The following ZNF284 variants were observed in gnomAD, a reference collection of about 807,000 sequenced individuals.
ZNF284 encodes zinc finger protein 284.
Under a neutral mutation model 12.9 loss-of-function variants are expected in ZNF284, and 12 were observed. That is an observed-to-expected ratio of 0.93 (90% CI 0.60 to 1.51). The LOEUF (loss-of-function observed/expected upper bound fraction) is 1.51. Ranked by LOEUF, ZNF284 falls within the 40% of genes most tolerant of loss-of-function variation. The pLI is 0.00. For missense variants in ZNF284, 667 were observed against 707.3 expected, an observed-to-expected ratio of 0.94 and a Z score of 0.65; for synonymous variants, 225 against 236.5, an observed-to-expected ratio of 0.95 and a Z score of 0.45.
chr19:44,087,168 G>GA lies in ZNF284; in HGVS notation c.1696dup (p.Thr566AsnfsTer5). On this transcript the variant is annotated frameshift_variant, in exon 5 of 5. Transcript: ENST00000421176. LOFTEE classifies it high-confidence loss of function. Reference sequence around the variant, plus strand: ...AGACCAACAAAGCGACCACAGTGGAGAAAAAACATCCAAATGTGAGGACTG... The same window carrying GA: ...AGACCAACAAAGCGACCACAGTGGAGAAAAAAACATCCAAATGTGAGGACTG... 1.2e-6 allele frequency: 2 copies of GA among 1,613,962 alleles called. No homozygotes were observed. Among genetic ancestry groups the GA allele is most frequent in the Non-Finnish European group, 1.7e-6 (2 of 1,179,886 alleles).
At chr19:44,074,165 C>T (rs1172896458) in intron 1 of ZNF284, among the ~76,000 whole-genome samples, 1 of 151,862 alleles carries the variant, frequency 6.6e-6, no homozygotes, top group African/African-American at 2.4e-5. Context: ...ACCAGCCTGA[C>T]CATCATGGAG....
rs1290254473 is a variant in ZNF284 at position 44,083,450 on chromosome 19, AATATATAT to A, written c.235+1363_235+1370del. ...CTCTGTCTCAAAAAATAAATAAAGA[AATATATAT>A]ATATATATATATATATAGAGAGAGA... On this transcript the variant is annotated intron_variant, in intron 4 of 4. Transcript: ENST00000421176. 5.5e-4 allele frequency among the ~76,000 whole-genome samples: 33 copies of A among 60,376 alleles called. 1 individual carries two copies. The highest frequency in any genetic ancestry group is 1.5e-3 in the African/African-American group (30 of 20,382). The allele number at this position is 60,376 out of a possible 152,430, so 39.6% of individuals were successfully genotyped here.
rs559255585 is a variant in ZNF284, at chr19:44,087,201, C to T, written c.1723C>T (p.Arg575Cys). The T allele has an allele frequency of 2.5e-5, 40 of 1,604,022 alleles. No individual in the cohort carries two copies. In the South Asian group the frequency reaches 2.7e-4, roughly 11 times the overall value. ...ATCCAAATGTGAGGACTGTGGGAAG[C>T]GCTACGAGAGGCGCTTGAATCTAGA... The part of the protein sequence containing the change: ...KTSKCEDCGK[R>C]YERRLNLDMI... Residue 575 changes from arginine to cysteine, a missense_variant, in exon 5 of 5, where the codon CGC (arginine) becomes TGC (cysteine). Coordinates refer to ENST00000421176, the MANE Select transcript of ZNF284 (RefSeq NM_001037813.4).
At chr19:44,073,849 A>C (rs1191269139) in intron 1 of ZNF284, among the ~76,000 whole-genome samples, 1 of 151,554 alleles carries the variant, frequency 6.6e-6, no homozygotes, top group Non-Finnish European at 1.5e-5. Flanking sequence ...CACCCGGTGC[A>C]TTTCTTTTTG....
Position 44,087,592 on chromosome 19 carries a change from CTTTTTTTT to C in ZNF284, c.*351_*358del, listed in dbSNP as rs924151303. ...TAATTGCTATGCCATGCTGCTTCTG[CTTTTTTTT>C]TTTTTTTTTTTTTTTTTTGAGAACA... On this transcript the variant is annotated 3_prime_UTR_variant, in exon 5 of 5. Coordinates refer to ENST00000421176, the MANE Select transcript of ZNF284 (RefSeq NM_001037813.4). 0.066 allele frequency: 6,637 copies of C among 100,184 alleles called. 359 individuals carry two copies. Among genetic ancestry groups the C allele is most frequent in the African/African-American group, 0.2 (4,183 of 21,420 alleles). 6.2% of individuals were successfully genotyped at this position (100,184 alleles called of 1,614,324 possible). A position where few individuals can be genotyped will look rare whatever the true frequency, so the allele number is the denominator to read the frequency against.
intron 2 of ZNF284, among the ~76,000 whole-genome samples, chr19:44,077,180 T>A (rs191303569): frequency 5.9e-5 from 9 of 152,330 alleles, no homozygotes; most frequent in Admixed American, 3.9e-4. Flanking sequence ...GAAAGAGTAC[T>A]TTTGACATGT....
At chr19:44,074,454 T>C (rs1277983726) in intron 1 of ZNF284, among the ~76,000 whole-genome samples, 1 of 152,226 alleles carries the variant, frequency 6.6e-6, no homozygotes, top group Non-Finnish European at 1.5e-5. Context: ...AATTCTCATA[T>C]ACTCTTTACC....
Position 44,089,363 on chromosome 19 carries a change from G to C in ZNF284, c.*2103G>C, listed in dbSNP as rs1967311146. 1 of 151,988 alleles carries C rather than the reference G, an allele frequency of 6.6e-6. No individual in the cohort carries two copies. The highest frequency in any genetic ancestry group is 2.4e-5 in the African/African-American group (1 of 41,352). The allele number at this position is 151,988 out of a possible 1,614,324, so 9.4% of individuals were successfully genotyped here. A position where few individuals can be genotyped will look rare whatever the true frequency, so the allele number is the denominator to read the frequency against. The stretch of plus-strand genomic sequence containing the variant: ...CTTGGGAAGGCTAGTATTTGGGGGT[G>C]GGGGGCGTGGAAATCACTAAACAAC... On this transcript the variant is annotated 3_prime_UTR_variant, in exon 5 of 5. Coordinates refer to ENST00000421176, the MANE Select transcript of ZNF284 (RefSeq NM_001037813.4).
At chr19:44,077,333 G>A (rs1967046724) in intron 2 of ZNF284, among the ~76,000 whole-genome samples, 1 of 152,094 alleles carries the variant, frequency 6.6e-6, no homozygotes, top group African/African-American at 2.4e-5. Context: ...GTCATGCATT[G>A]TGTGTATGTT....
Position 44,087,120 on chromosome 19 carries a change from A to G in ZNF284, c.1642A>G (p.Ser548Gly). The change falls in exon 5 of 5, where the codon AGT becomes GGT. Residue 548 changes from serine to glycine, a missense_variant. Ser to Gly is a moderately conservative substitution (Grantham distance 56, BLOSUM62 0). Transcript: ENST00000421176. Reference protein sequence around the residue: ...LFQCEDCGKSSEHSSCLQDQQ... With the variant: ...LFQCEDCGKSGEHSSCLQDQQ... ...CCAATGTGAGGATTGTGGGAAGAGC[A>G]GTGAGCACAGTTCATGCCTTCAAGA... 1.2e-6 allele frequency: 2 copies of G among 1,614,186 alleles called. No individual in the cohort carries two copies. Among genetic ancestry groups the G allele is most frequent in the Non-Finnish European group, 1.7e-6 (2 of 1,180,014 alleles).
Position 44,087,086 on chromosome 19 carries a change from A to T in ZNF284, c.1608A>T (p.Glu536Asp). Residue 536 changes from glutamate (E) to aspartate (D), a missense_variant, in exon 5 of 5, where the codon GAA (glutamate) becomes GAT (aspartate). Coordinates refer to ENST00000421176, the MANE Select transcript of ZNF284 (RefSeq NM_001037813.4). ...HLTHQRLHSR[E>D]KLFQCEDCGK... ...CCCATCAAAGACTCCACAGCAGAGA[A>T]AAACTATTCCAATGTGAGGATTGTG... 6.2e-7 allele frequency: 1 copy of T among 1,614,180 alleles called. No individual in the cohort carries two copies.
chr19:44,072,560 A>G (rs1001866417), intron 1 of ZNF284, among the ~76,000 whole-genome samples: 2 of 152,244 alleles, frequency 1.3e-5, no homozygotes, highest in Admixed American at 1.3e-4. Flanking sequence ...GGACTTTAGG[A>G]CCATCCTAAT....
In ZNF284 at chr19:44,081,995, A is replaced by G. The variant is rs752005375; in HGVS notation, c.143-18A>G. The G allele has an allele frequency of 1.9e-6, 3 of 1,603,896 alleles. No individual in the cohort carries two copies. In the African/African-American group the frequency reaches 4.0e-5, roughly 21 times the overall value. On this transcript the variant is annotated intron_variant, in intron 3 of 4. Transcript: ENST00000421176. ...TACCTAAGATGTATTGGGATTAAGC[A>G]TGTGACTTTGTTCACAGGGCATCAA... is the stretch of plus-strand genomic sequence containing the variant.
At position 44,087,667 on chromosome 19, in the gene ZNF284, C is replaced by CTG. The variant is rs1320980175; in HGVS notation, c.*408_*409dup. On this transcript the variant is annotated 3_prime_UTR_variant, in exon 5 of 5. Coordinates refer to ENST00000421176, the MANE Select transcript of ZNF284 (RefSeq NM_001037813.4). ...AGTGTAGTGGCATGATCCTTTCTCA[C>CTG]TGCAGCCTCCACCTCCTGGGTTCAA... 5 of 145,178 alleles carry CTG rather than the reference C, an allele frequency of 3.4e-5. No individual in the cohort carries two copies. The highest frequency in any genetic ancestry group is 1.3e-4 in the African/African-American group (5 of 38,454). 9.0% of individuals were successfully genotyped at this position (145,178 alleles called of 1,614,324 possible). A position where few individuals can be genotyped will look rare whatever the true frequency, so the allele number is the denominator to read the frequency against.
At chr19:44,073,228 A>G (rs1743924190) in intron 1 of ZNF284, among the ~76,000 whole-genome samples, 2 of 152,232 alleles carry the variant, frequency 1.3e-5, no homozygotes, top group African/African-American at 4.8e-5. Context: ...CCTGGGCGTT[A>G]CAGGTCAGAG....
chr19:44,080,157 A>G (rs888326289), intron 2 of ZNF284, among the ~76,000 whole-genome samples: 3 of 152,192 alleles, frequency 2.0e-5, no homozygotes, highest in Non-Finnish European at 2.9e-5. Flanking sequence ...GAGCACACAC[A>G]CTCAGTGTGA....
At chr19:44,078,746 C>T (rs1257748854) in intron 2 of ZNF284, among the ~76,000 whole-genome samples, 1 of 152,180 alleles carries the variant, frequency 6.6e-6, no homozygotes, top group Non-Finnish European at 1.5e-5. Flanking sequence ...AGGTGTGAAT[C>T]ACTGCACCTG....
At chr19:44,077,682 T>G (rs1286367315) in intron 2 of ZNF284, among the ~76,000 whole-genome samples, 1 of 152,054 alleles carries the variant, frequency 6.6e-6, no homozygotes, top group African/African-American at 2.4e-5. Context: ...CTCAGCCTCA[T>G]CTTCCTCTTA....
At chr19:44,074,606 G>A (rs369158003) in intron 1 of ZNF284, among the ~76,000 whole-genome samples, 1 of 152,098 alleles carries the variant, frequency 6.6e-6, no homozygotes, top group East Asian at 1.9e-4. Flanking sequence ...GATAATTGTG[G>A]GGTGTCTTGG....
Sources: gnomAD v4.1 joint callset for allele counts (sites outside exome capture counted in the v4.1 genomes callset) on GRCh38, gnomAD v4.1.1 for gene constraint, MANE v1.5 for transcripts, NCBI Gene and HGNC (gene_info 2026-07-23, HGNC 2026-07-21) for gene names.